The following HECTD4 variants were observed in gnomAD, a reference collection of about 807,000 sequenced individuals.
HECTD4 encodes probable E3 ubiquitin-protein ligase HECTD4.
A neutral mutation model predicts 471.5 loss-of-function variants in HECTD4; 114 were observed. That is an observed-to-expected ratio of 0.24 (90% CI 0.21 to 0.28). HECTD4 has a LOEUF of 0.28. Among genes scored for constraint, HECTD4 ranks in the 10% least tolerant of loss-of-function variants. The pLI is 1.00. For synonymous variants in HECTD4, 2,012 were observed against 2,256.0 expected, an observed-to-expected ratio of 0.89 and a Z score of 3.07; for missense variants, 3,866 against 5,651.5, an observed-to-expected ratio of 0.68 and a Z score of 10.13.
Position 112,193,198 on chromosome 12 carries a change from A to T in HECTD4, c.8956-7T>A, listed in dbSNP as rs1472682933. 6.2e-7 allele frequency: 1 copy of T among 1,613,458 alleles called. No homozygotes were observed. The highest frequency in any genetic ancestry group is 8.5e-7 in the Non-Finnish European group (1 of 1,179,736). On this transcript the variant is annotated splice_region_variant and splice_polypyrimidine_tract_variant and intron_variant, in intron 57 of 75. Coordinates refer to ENST00000682272, the MANE Select transcript of HECTD4 (RefSeq NM_001388303.1). The surrounding 1 kb of genome is among the most constrained non-coding windows in gnomAD (Gnocchi z 5.2). Reference sequence around the variant, plus strand: ...GGAACTGCTCTGGTGCTGTCTGCAAAGAGACACTGAATAAGGAAAGCCACG... The same window carrying T: ...GGAACTGCTCTGGTGCTGTCTGCAATGAGACACTGAATAAGGAAAGCCACG...
chr12:112,377,424 C>G (rs577603726), intron 1 of HECTD4, among the ~76,000 whole-genome samples: 1 of 152,260 alleles, frequency 6.6e-6, no homozygotes, highest in Non-Finnish European at 1.5e-5. Context: ...AAATTATAAG[C>G]TTTTTGAGGA....
chr12:112,301,942 A>G (rs2035174898), intron 7 of HECTD4: 2 of 913,742 alleles, frequency 2.2e-6, no homozygotes, highest in Admixed American at 3.5e-5. Context: ...CAGACTTGGG[A>G]CCCAAGATAT....
At chr12:112,374,519 GC>G (rs2036743056) in intron 1 of HECTD4, among the ~76,000 whole-genome samples, 1 of 152,126 alleles carries the variant, frequency 6.6e-6, no homozygotes, top group South Asian at 2.1e-4. Context: ...AGCCTGTTGG[GC>G]CTTTTGCCCA....
chr12:112,286,948 C>T (rs1371937217), intron 7 of HECTD4, among the ~76,000 whole-genome samples: 1 of 152,178 alleles, frequency 6.6e-6, no homozygotes, highest in Non-Finnish European at 1.5e-5. Context: ...GCTATTCCCT[C>T]TTGTGCTACC....
At position 112,239,771 on chromosome 12, in the gene HECTD4, C is replaced by A. The variant is rs1324136895; in HGVS notation, c.5105+110G>T. On this transcript the variant is annotated intron_variant, in intron 33 of 75. Transcript: ENST00000682272. This position sits in a 1 kb window ranked among gnomAD's most constrained non-coding sequence, Gnocchi z 4.9. ...CAGGAGAAAAGTTTTGTATAGCTAG[C>A]TCTGGATAATGAAAGCAAAAAATCC... 1.3e-5 allele frequency: 13 copies of A among 1,015,870 alleles called. No individual in the cohort carries two copies. The highest frequency in any genetic ancestry group is 2.8e-5 in the Admixed American group (1 of 36,352). The allele number at this position is 1,015,870 out of a possible 1,614,324, so 62.9% of individuals were successfully genotyped here.
At chr12:112,334,335 A>G (rs894778832) in intron 1 of HECTD4, among the ~76,000 whole-genome samples, 5 of 151,042 alleles carry the variant, frequency 3.3e-5, no homozygotes, top group Non-Finnish European at 5.9e-5. Context: ...ATTAGCAAGA[A>G]AAAAAAAACA....
At chr12:112,221,352 G>T (rs2033089407) in intron 44 of HECTD4, among the ~76,000 whole-genome samples, 1 of 152,120 alleles carries the variant, frequency 6.6e-6, no homozygotes, top group Non-Finnish European at 1.5e-5. Flanking sequence ...GGACTCAGGT[G>T]ATCTTCCCAC....
chr12:112,267,870 G>A (rs748399590), intron 13 of HECTD4, among the ~76,000 whole-genome samples: 3 of 152,190 alleles, frequency 2.0e-5, no homozygotes, highest in Non-Finnish European at 4.4e-5. Context: ...GGAGTGCATG[G>A]AGTGCAGTGG....
At chr12:112,375,728 A>C (rs1186440237) in intron 1 of HECTD4, among the ~76,000 whole-genome samples, 2 of 152,078 alleles carry the variant, frequency 1.3e-5, no homozygotes, top group African/African-American at 4.8e-5. Context: ...TTTTTGAGTT[A>C]TTGCTTTTTT....
At chr12:112,278,766 G>A (rs2034577265) in intron 9 of HECTD4, among the ~76,000 whole-genome samples, 1 of 152,198 alleles carries the variant, frequency 6.6e-6, no homozygotes, top group African/African-American at 2.4e-5. Context: ...GGTGGCATGT[G>A]CCTGTAATCT....
intron 45 of HECTD4, 68 bp from the exon 46 acceptor site, chr12:112,217,263 G>A: frequency 7.5e-7 from 1 of 1,340,484 alleles, no homozygotes; most frequent in Non-Finnish European, 9.7e-7. Flanking sequence ...TCTCAAAGAA[G>A]AAAAAAATTT....
intron 60 of HECTD4, 69 bp from the exon 61 acceptor site, chr12:112,185,562 G>A: frequency 8.1e-7 from 1 of 1,229,678 alleles, no homozygotes; most frequent in South Asian, 1.5e-5. Flanking sequence ...GCAGTTCTGA[G>A]CCTGGAATCA....
At chr12:112,337,671 A>G (rs965384954) in intron 1 of HECTD4, among the ~76,000 whole-genome samples, 4 of 152,228 alleles carry the variant, frequency 2.6e-5, no homozygotes, top group Non-Finnish European at 4.4e-5. Context: ...TCTACAACAC[A>G]TGCATAAACT....
At chr12:112,230,899 A>G (rs1001564360) in intron 39 of HECTD4, 77 bp from the exon 40 acceptor site, 10 of 1,375,648 alleles carry the variant, frequency 7.3e-6, no homozygotes, top group Non-Finnish European at 9.9e-6. Flanking sequence ...CAGGGTTAGC[A>G]TCAGAGGAAA....
intron 2 of HECTD4, among the ~76,000 whole-genome samples, chr12:112,316,696 T>A (rs2035487457): frequency 6.6e-6 from 1 of 152,188 alleles, no homozygotes; most frequent in Admixed American, 6.5e-5. Context: ...ATAATCTTCA[T>A]AATAATTTTG....
chr12:112,176,510 A>G, intron 65 of HECTD4, 86 bp downstream of exon 65: 1 of 929,634 alleles, frequency 1.1e-6, no homozygotes, highest in Non-Finnish European at 1.7e-6. Flanking sequence ...CAGTCAGGAA[A>G]AGCAGAGGCC....
chr12:112,226,860 C>A (rs1593951883), intron 43 of HECTD4, 102 bp from the exon 44 acceptor site: 1 of 753,208 alleles, frequency 1.3e-6, no homozygotes, highest in East Asian at 2.7e-5. Flanking sequence ...CCCCAGTTTA[C>A]AACAAGGTTC....
At chr12:112,296,135 A>C (rs1221131217) in intron 7 of HECTD4, among the ~76,000 whole-genome samples, 2 of 152,136 alleles carry the variant, frequency 1.3e-5, no homozygotes, top group Admixed American at 6.5e-5. Flanking sequence ...GTAGGTGCAG[A>C]GGGTGTAGGT....
intron 44 of HECTD4, among the ~76,000 whole-genome samples, chr12:112,224,707 C>T (rs2033188389): frequency 6.6e-6 from 1 of 152,148 alleles, no homozygotes; most frequent in Admixed American, 6.5e-5. Flanking sequence ...AGTGGTTTTC[C>T]ACTAGGAAAA....
Sources: allele counts gnomAD v4.1 joint callset (sites outside exome capture counted in the v4.1 genomes callset), GRCh38; gene constraint gnomAD v4.1.1; non-coding constraint Gnocchi (gnomAD v3.1); transcripts MANE v1.5; gene names NCBI Gene and HGNC (gene_info 2026-07-23, HGNC 2026-07-21).